ATOSA: variants seen among roughly 807,000 people sequenced by gnomAD.
The protein encoded by ATOSA is atos homolog protein A.
chr15:52,611,502 T>C, the ATOSA span: 1 of 1,469,556 alleles, frequency 6.8e-7, no homozygotes, highest in Non-Finnish European at 9.3e-7. Flanking sequence ...CATGATACAT[T>C]AAAATAATTT....
At chr15:52,660,865 G>C in the ATOSA span, among the ~76,000 whole-genome samples, 1 of 152,082 alleles carries the variant, frequency 6.6e-6, no homozygotes, top group African/African-American at 2.4e-5. Context: ...TGTTGGTAAG[G>C]CTGGTCTCAA....
At chr15:52,678,415 G>C in the ATOSA span, 1 of 222,672 alleles carries the variant, frequency 4.5e-6, no homozygotes, top group Non-Finnish European at 9.0e-6. Flanking sequence ...AAAGATTTGA[G>C]CAACACAAAC....
the ATOSA span, chr15:52,651,939 T>G: frequency 6.5e-7 from 1 of 1,535,250 alleles, no homozygotes; most frequent in African/African-American, 1.4e-5. Flanking sequence ...AGTTGCCTTC[T>G]GGCTATCAAT....
At chr15:52,685,959 T>A in the ATOSA span, among the ~76,000 whole-genome samples, 1 of 152,200 alleles carries the variant, frequency 6.6e-6, no homozygotes, top group Admixed American at 6.5e-5. Flanking sequence ...ACTCCTGGAC[T>A]CACTCAAGTG....
the ATOSA span, chr15:52,649,707 AAT>A: frequency 6.6e-6 from 1 of 152,202 alleles, no homozygotes; most frequent in African/African-American, 2.4e-5. Flanking sequence ...TATATTGTCA[AAT>A]AATAGACAAA....
chr15:52,645,960 G>GT, the ATOSA span, among the ~76,000 whole-genome samples: 2 of 152,124 alleles, frequency 1.3e-5, no homozygotes, highest in African/African-American at 2.4e-5. Flanking sequence ...TCCCAGTGCT[G>GT]TTTTTTTCCC....
the ATOSA span, among the ~76,000 whole-genome samples, chr15:52,692,876 C>G: frequency 6.6e-6 from 1 of 151,278 alleles, no homozygotes; most frequent in Non-Finnish European, 1.5e-5. Flanking sequence ...GCCTCAAACT[C>G]CTGGCCTGAA....
the ATOSA span, among the ~76,000 whole-genome samples, chr15:52,670,717 G>C: frequency 6.6e-6 from 1 of 152,174 alleles, no homozygotes; most frequent in African/African-American, 2.4e-5. Flanking sequence ...AGATGCAGCT[G>C]GCTGTATTTG....
the ATOSA span, among the ~76,000 whole-genome samples, chr15:52,601,448 TATATA>T: frequency 1.3e-5 from 2 of 151,448 alleles, no homozygotes; most frequent in African/African-American, 4.9e-5. Context: ...GGAATTCCAA[TATATA>T]ATATAAGGAA....
the ATOSA span, among the ~76,000 whole-genome samples, chr15:52,603,082 A>C: frequency 2.0e-5 from 3 of 152,180 alleles, no homozygotes; most frequent in Non-Finnish European, 4.4e-5. Flanking sequence ...AAGACGCTGA[A>C]AATTTCTTCC....
At chr15:52,689,471 A>T in the ATOSA span, among the ~76,000 whole-genome samples, 1 of 152,194 alleles carries the variant, frequency 6.6e-6, no homozygotes, top group African/African-American at 2.4e-5. Flanking sequence ...TATGAAATAA[A>T]ATCAGTATAG....
chr15:52,675,134 T>C, the ATOSA span, among the ~76,000 whole-genome samples: 47 of 152,310 alleles, frequency 3.1e-4, no homozygotes, highest in South Asian at 1.4e-3. Context: ...ACCCAAGTAA[T>C]GTTATATTAT....
At chr15:52,694,149 T>C in the ATOSA span, among the ~76,000 whole-genome samples, 2 of 131,840 alleles carry the variant, frequency 1.5e-5, no homozygotes, top group African/African-American at 5.8e-5. Flanking sequence ...TGTGTGTGTG[T>C]ATATATAGAT....
chr15:52,668,542 A>G, the ATOSA span, among the ~76,000 whole-genome samples: 3 of 152,200 alleles, frequency 2.0e-5, no homozygotes, highest in Non-Finnish European at 4.4e-5. Context: ...TAAAATAGCT[A>G]GAAGAGGCTT....
chr15:52,665,430 C>T, the ATOSA span, among the ~76,000 whole-genome samples: 2 of 152,162 alleles, frequency 1.3e-5, no homozygotes, highest in South Asian at 2.1e-4. Flanking sequence ...TATAAGAAAG[C>T]GAAATCAAAT....
chr15:52,626,533 A>AAAAG, the ATOSA span, among the ~76,000 whole-genome samples: 1 of 151,564 alleles, frequency 6.6e-6, no homozygotes. Context: ...AAAGCTGAAA[A>AAAAG]AAAAAAAAAG....
the ATOSA span, chr15:52,609,369 C>A: frequency 6.2e-7 from 1 of 1,613,856 alleles, no homozygotes; most frequent in East Asian, 2.2e-5. Flanking sequence ...TAGATGCAAC[C>A]GAACTGGAGT....
the ATOSA span, among the ~76,000 whole-genome samples, chr15:52,696,606 A>T: frequency 6.6e-6 from 1 of 152,168 alleles, no homozygotes; most frequent in Admixed American, 6.5e-5. Flanking sequence ...TATAAACATA[A>T]GCAACAAGCT....
chr15:52,704,155 A>G, the ATOSA span, among the ~76,000 whole-genome samples: 1 of 152,232 alleles, frequency 6.6e-6, no homozygotes, highest in Non-Finnish European at 1.5e-5. Flanking sequence ...GTACCAAAAC[A>G]GAGATATAGA....
Sources: allele counts gnomAD v4.1 joint callset (sites outside exome capture counted in the v4.1 genomes callset), GRCh38; gene constraint gnomAD v4.1.1; transcripts MANE v1.5; gene names NCBI Gene and HGNC (gene_info 2026-07-23, HGNC 2026-07-21).